Variants in MLLT10 observed in about 807,000 individuals in gnomAD.
MLLT10 encodes the protein protein AF-10.
In MLLT10, 30 loss-of-function variants were observed where a neutral mutation model predicts 129.1. That is an observed-to-expected ratio of 0.23 (90% CI 0.17 to 0.32). MLLT10 has a LOEUF of 0.32. MLLT10 is among the 10% of genes least tolerant of loss of function. The probability of loss-of-function intolerance (pLI) is 1.00; values close to 1 mark genes in which losing one functional copy is unlikely to be tolerated. For missense variants in MLLT10, 1,119 were observed against 1,268.3 expected (o/e 0.88, Z 1.79); for synonymous variants, 490 against 446.4 (o/e 1.10, Z -1.23).
intron 8 of MLLT10, among the ~76,000 whole-genome samples, chr10:21,647,660 T>G (rs1161514645): frequency 6.7e-5 from 10 of 148,356 alleles, no homozygotes; most frequent in Non-Finnish European, 7.5e-5. Flanking sequence ...ATACTTGGGT[T>G]GCATGTTTCT....
At chr10:21,696,736 C>T (rs904570613) in intron 13 of MLLT10, among the ~76,000 whole-genome samples, 3 of 151,910 alleles carry the variant, frequency 2.0e-5, no homozygotes, top group East Asian at 1.9e-4. Context: ...TTCCTCGAGC[C>T]GCTGCTTTTC....
chr10:21,670,794 A>G lies in MLLT10; in HGVS notation c.1051+90A>G. 22 of 1,345,006 alleles carry G rather than the reference A, an allele frequency of 1.6e-5. No homozygotes were observed. In the South Asian group the frequency reaches 1.8e-4, roughly 11 times the overall value. 83.3% of individuals were successfully genotyped at this position (1,345,006 alleles called of 1,614,324 possible). ...AAATAATTGGTTTGTTTTTGAACTT[A>G]TAACTAATGGATGTTCTAGATTATT... On this transcript the variant is annotated intron_variant, in intron 10 of 22. Transcript: ENST00000307729.
chr10:21,675,203 G>T (rs2051959204), intron 11 of MLLT10, among the ~76,000 whole-genome samples: 1 of 152,202 alleles, frequency 6.6e-6, no homozygotes, highest in Non-Finnish European at 1.5e-5. Context: ...GAGTTTCTTT[G>T]TATTCAGAAA....
At chr10:21,612,572 A>G in intron 6 of MLLT10, 121 bp downstream of exon 6, 1 of 514,184 alleles carries the variant, frequency 1.9e-6, no homozygotes. Context: ...TATAGTTTCT[A>G]TGTTCACATT....
chr10:21,609,377 G>C (rs1324905265), intron 5 of MLLT10, among the ~76,000 whole-genome samples: 1 of 152,188 alleles, frequency 6.6e-6, no homozygotes, highest in African/African-American at 2.4e-5. Context: ...TTACTTTGAA[G>C]TTTGACTTTT....
chr10:21,554,937 T>C (rs1424645298), intron 3 of MLLT10, among the ~76,000 whole-genome samples: 1 of 151,894 alleles, frequency 6.6e-6, no homozygotes, highest in East Asian at 1.9e-4. Context: ...TTCTCAGGCC[T>C]CAGCCTCCCG....
chr10:21,535,585 G>C (rs909121962), intron 2 of MLLT10, among the ~76,000 whole-genome samples: 2 of 152,268 alleles, frequency 1.3e-5, no homozygotes, highest in East Asian at 1.9e-4. Flanking sequence ...TGAGGTTTTT[G>C]GATATACAAG....
At chr10:21,633,518 G>C (rs1225627159) in intron 8 of MLLT10, among the ~76,000 whole-genome samples, 1 of 151,806 alleles carries the variant, frequency 6.6e-6, no homozygotes, top group African/African-American at 2.4e-5. Context: ...ATGGCAAGAA[G>C]CCATCTCTAC....
At chr10:21,617,788 T>C (rs1366049477) in intron 8 of MLLT10, among the ~76,000 whole-genome samples, 2 of 152,240 alleles carry the variant, frequency 1.3e-5, no homozygotes, top group Non-Finnish European at 2.9e-5. Context: ...TTATAGGAAA[T>C]ACTTTTTAAT....
chr10:21,535,498 C>T (rs1229937800), intron 2 of MLLT10, among the ~76,000 whole-genome samples: 1 of 152,172 alleles, frequency 6.6e-6, no homozygotes, highest in Non-Finnish European at 1.5e-5. Flanking sequence ...CACCACCAGC[C>T]TAGGTGGCTG....
At chr10:21,625,146 CGAG>C in intron 8 of MLLT10, 1 of 1,126,424 alleles carries the variant, frequency 8.9e-7, no homozygotes, top group Non-Finnish European at 1.3e-6. Flanking sequence ...AAGCGGCATG[CGAG>C]GAGGAGGGTG....
intron 5 of MLLT10, among the ~76,000 whole-genome samples, chr10:21,610,283 T>G (rs948360385): frequency 6.6e-6 from 1 of 152,138 alleles, no homozygotes; most frequent in African/African-American, 2.4e-5. Context: ...CAGGTCTGAG[T>G]TGAATCAGAG....
intron 14 of MLLT10, among the ~76,000 whole-genome samples, chr10:21,720,115 C>G (rs966945532): frequency 3.3e-5 from 5 of 152,186 alleles, no homozygotes; most frequent in African/African-American, 1.2e-4. Context: ...GTCCTGTTGT[C>G]CGATCATGAG....
At position 21,587,042 on chromosome 10, in the gene MLLT10, A is replaced by G. The variant is rs1211609701; in HGVS notation, c.295+694A>G. ...TGTTTTGTGTATCTCTAGACAGATGATGTTTCTAGTGAATGTTAATTTTAT... is the reference window on the plus strand; with the variant it reads ...TGTTTTGTGTATCTCTAGACAGATGGTGTTTCTAGTGAATGTTAATTTTAT... On this transcript the variant is annotated intron_variant, in intron 4 of 22. Coordinates refer to ENST00000307729, the MANE Select transcript of MLLT10 (RefSeq NM_001195626.3). 2.0e-5 allele frequency among the ~76,000 whole-genome samples: 3 copies of G among 151,032 alleles called. No homozygotes were observed. In the East Asian group the frequency reaches 5.9e-4, roughly 29 times the overall value.
chr10:21,732,910 C>A lies in MLLT10; in HGVS notation c.2230C>A (p.Leu744Met). Residue 744 changes from leucine to methionine, a missense_variant, in exon 18 of 23, where the codon CTG (leucine) becomes ATG (methionine). Leu to Met is a conservative substitution (Grantham distance 15). Transcript: ENST00000307729. Reference protein sequence around the residue: ...QGTPSDILGMLKSLHQLQVEN... With the variant: ...QGTPSDILGMMKSLHQLQVEN... ...CAAATGTGTGGTAGTTTTAGGAATG[C>A]TGAAGTCATTACACCAACTTCAAGT... is the stretch of plus-strand genomic sequence containing the variant. 6.2e-7 allele frequency: 1 copy of A among 1,613,336 alleles called. No individual in the cohort carries two copies. Among genetic ancestry groups the A allele is most frequent in the Non-Finnish European group, 8.5e-7 (1 of 1,179,682 alleles).
In MLLT10 at chr10:21,595,412, A is replaced by T; in HGVS notation, c.377A>T (p.Gln126Leu). 6.2e-7 allele frequency: 1 copy of T among 1,613,226 alleles called. No homozygotes were observed. The highest frequency in any genetic ancestry group is 8.5e-7 in the Non-Finnish European group (1 of 1,179,386). ...TCCACAATGGAACCAATTGTTTTACAGTCTGTTCCGCATGATCGTTATAAT... is the reference window on the plus strand; with the variant it reads ...TCCACAATGGAACCAATTGTTTTACTGTCTGTTCCGCATGATCGTTATAAT... ...NVSTMEPIVL[Q>L]SVPHDRYNKT... The change falls in exon 5 of 23, where the codon CAG (glutamine) becomes CTG (leucine). Residue 126 changes from glutamine to leucine, a missense_variant. Around this residue, in one of 5 missense-constraint regions of MLLT10, gnomAD observed 44 missense variants for 114.3 expected, o/e 0.38. Transcript: ENST00000307729.
At chr10:21,709,164 A>G (rs2131501643) in intron 13 of MLLT10, among the ~76,000 whole-genome samples, 1 of 151,864 alleles carries the variant, frequency 6.6e-6, no homozygotes, top group South Asian at 2.1e-4. Flanking sequence ...TTCTAATTTT[A>G]GAAATTGGAG....
rs528416176 is a variant in MLLT10 at position 21,743,142 on chromosome 10, A to C, written c.*1159A>C. 1 of 230,326 alleles carries C rather than the reference A, an allele frequency of 4.3e-6. No homozygotes were observed. The highest frequency in any genetic ancestry group is 1.8e-4 in the South Asian group (1 of 5,510). 14.3% of individuals were successfully genotyped at this position (230,326 alleles called of 1,614,324 possible). On this transcript the variant is annotated 3_prime_UTR_variant, in exon 23 of 23. Coordinates refer to ENST00000307729, the MANE Select transcript of MLLT10 (RefSeq NM_001195626.3). ...GTACCGCAGAGTGATTCCCCCACTG[A>C]GGATGTCATCATCAAACTCTTCTTT...
chr10:21,555,675 A>ATTT (rs748016694), intron 3 of MLLT10, among the ~76,000 whole-genome samples: 2 of 132,772 alleles, frequency 1.5e-5, no homozygotes, highest in Non-Finnish European at 3.3e-5. Context: ...ATGTAAGACA[A>ATTT]TTTTTTTTTT....
Sources: gnomAD v4.1 joint callset for allele counts (sites outside exome capture counted in the v4.1 genomes callset) on GRCh38, gnomAD v4.1.1 for gene constraint, gnomAD v4.1.1 regional missense constraint, MANE v1.5 for transcripts, NCBI Gene and HGNC (gene_info 2026-07-23, HGNC 2026-07-21) for gene names.